The following GRID2 variants were observed in gnomAD, a reference collection of about 807,000 sequenced individuals.
GRID2 encodes the protein glutamate ionotropic receptor delta type subunit 2.
GRID2 carries 33 observed loss-of-function variants against 114.8 expected under a neutral mutation model. The ratio of observed to expected loss-of-function variants is 0.29; its 90% confidence interval spans 0.22 to 0.38. GRID2 has a LOEUF of 0.38. Ranked by LOEUF, GRID2 falls within the 10% of genes least tolerant of loss-of-function variation. The pLI, the probability that GRID2 is intolerant of heterozygous loss-of-function variation, is 1.00. For synonymous variants in GRID2, 505 were observed against 449.9 expected, an observed-to-expected ratio of 1.12 and a Z score of -1.55; for missense variants, 1,184 against 1,257.7, an observed-to-expected ratio of 0.94 and a Z score of 0.89.
intron 2 of GRID2, among the ~76,000 whole-genome samples, chr4:93,028,829 C>G (rs1021041620): frequency 1.3e-5 from 2 of 151,982 alleles, no homozygotes; most frequent in Non-Finnish European, 2.9e-5. Flanking sequence ...CTTAGAGGAT[C>G]TGTAAGAATA....
intron 2 of GRID2, among the ~76,000 whole-genome samples, chr4:92,758,113 C>G (rs563546499): frequency 6.6e-6 from 1 of 152,130 alleles, no homozygotes; most frequent in Admixed American, 6.5e-5. Context: ...AACATTTAAA[C>G]ATGGAGGTAG....
intron 1 of GRID2, among the ~76,000 whole-genome samples, chr4:92,400,450 A>G (rs1730732087): frequency 6.6e-6 from 1 of 152,048 alleles, no homozygotes; most frequent in East Asian, 1.9e-4. Context: ...ATTCCTTTTT[A>G]TTGTCAAATA....
intron 8 of GRID2, among the ~76,000 whole-genome samples, chr4:93,388,236 G>T (rs1230186722): frequency 1.3e-5 from 2 of 152,118 alleles, no homozygotes; most frequent in African/African-American, 2.4e-5. Context: ...ATTCATTAAA[G>T]AATTGCAGGT....
intron 8 of GRID2, among the ~76,000 whole-genome samples, chr4:93,290,410 A>G (rs1753615238): frequency 6.6e-6 from 1 of 152,178 alleles, no homozygotes. Context: ...AAACTTCATG[A>G]TATCTAGAGG....
chr4:93,584,233 A>T (rs976738495), intron 13 of GRID2, among the ~76,000 whole-genome samples: 3 of 152,174 alleles, frequency 2.0e-5, no homozygotes, highest in African/African-American at 7.2e-5. Flanking sequence ...TTATAACATA[A>T]CTTTGAAAGT....
intron 1 of GRID2, among the ~76,000 whole-genome samples, chr4:92,476,360 A>C (rs115274409): frequency 2.0e-5 from 3 of 152,124 alleles, no homozygotes; most frequent in Non-Finnish European, 4.4e-5. Context: ...ACATAAGATA[A>C]TTTTCTAAAA....
At chr4:93,197,880 A>T (rs1741661789) in intron 4 of GRID2, among the ~76,000 whole-genome samples, 1 of 152,188 alleles carries the variant, frequency 6.6e-6, no homozygotes, top group Admixed American at 6.5e-5. Context: ...TTTTGAATTT[A>T]ATATTTCTAT....
intron 4 of GRID2, among the ~76,000 whole-genome samples, chr4:93,204,948 G>T (rs1742530067): frequency 6.6e-6 from 1 of 151,982 alleles, no homozygotes; most frequent in Non-Finnish European, 1.5e-5. Flanking sequence ...CTATCTATTG[G>T]TATTCACTTC....
intron 8 of GRID2, among the ~76,000 whole-genome samples, chr4:93,334,966 C>T (rs1758892589): frequency 6.6e-6 from 1 of 152,018 alleles, no homozygotes; most frequent in Non-Finnish European, 1.5e-5. Flanking sequence ...TGGTCTTTAG[C>T]TGCTGTTTTT....
At chr4:93,124,106 T>A (rs1025132326) in intron 4 of GRID2, among the ~76,000 whole-genome samples, 163 of 130,994 alleles carry the variant, frequency 1.2e-3, no homozygotes, top group Middle Eastern at 3.9e-3. Flanking sequence ...TAAAGTATAA[T>A]AAAAAAAAAA....
At chr4:92,372,850 T>TA (rs1331620585) in intron 1 of GRID2, among the ~76,000 whole-genome samples, 1 of 152,180 alleles carries the variant, frequency 6.6e-6, no homozygotes, top group African/African-American at 2.4e-5. Flanking sequence ...CTGTATAAGT[T>TA]ATACTCCAGA....
chr4:92,384,840 C>A (rs5017062), intron 1 of GRID2, among the ~76,000 whole-genome samples: 1 of 148,340 alleles, frequency 6.7e-6, no homozygotes, highest in South Asian at 2.1e-4. Flanking sequence ...AATTTTCAGA[C>A]GGTATTGTCC....
chr4:93,536,949 C>T (rs1251611583), intron 13 of GRID2, among the ~76,000 whole-genome samples: 2 of 151,546 alleles, frequency 1.3e-5, no homozygotes, highest in East Asian at 3.9e-4. Flanking sequence ...TCATTGGTGA[C>T]ATACCTCGCA....
chr4:92,555,709 G>A (rs1726817059), intron 1 of GRID2, among the ~76,000 whole-genome samples: 1 of 152,198 alleles, frequency 6.6e-6, no homozygotes, highest in African/African-American at 2.4e-5. Flanking sequence ...TTCAAATTTG[G>A]CTTCCAAGCC....
chr4:93,769,471 G>T (rs774833612), intron 15 of GRID2, 21 bp downstream of exon 15: 1 of 1,611,830 alleles, frequency 6.2e-7, no homozygotes, highest in South Asian at 1.1e-5. Context: ...GAGAGATTTG[G>T]CTCTAAATTG....
intron 9 of GRID2, among the ~76,000 whole-genome samples, chr4:93,415,876 T>C (rs1767653464): frequency 6.6e-6 from 1 of 152,056 alleles, no homozygotes; most frequent in Non-Finnish European, 1.5e-5. Context: ...ATATAGAAGA[T>C]GTAAGGATTT....
intron 2 of GRID2, among the ~76,000 whole-genome samples, chr4:92,627,111 G>C (rs768524369): frequency 6.6e-5 from 10 of 151,988 alleles, no homozygotes; most frequent in African/African-American, 2.4e-4. Flanking sequence ...CAACAATAGA[G>C]CATTAAACAT....
chr4:92,490,378 A>C (rs13106417), intron 1 of GRID2, among the ~76,000 whole-genome samples: 1 of 152,110 alleles, frequency 6.6e-6, no homozygotes, highest in African/African-American at 2.4e-5. Flanking sequence ...TGTGCTTGTA[A>C]TTTTTGTTCA....
chr4:92,396,922 C>T (rs946132162), intron 1 of GRID2, among the ~76,000 whole-genome samples: 11 of 152,040 alleles, frequency 7.2e-5, no homozygotes, highest in Non-Finnish European at 1.0e-4. Flanking sequence ...ACAAACTGCT[C>T]ATTAACAGTA....
Sources: allele counts gnomAD v4.1 joint callset (sites outside exome capture counted in the v4.1 genomes callset), GRCh38; gene constraint gnomAD v4.1.1; transcripts MANE v1.5; gene names NCBI Gene and HGNC (gene_info 2026-07-23, HGNC 2026-07-21).